Variants in CSMD1 observed in about 807,000 individuals in gnomAD.
The protein encoded by CSMD1 is CUB and Sushi multiple domains 1, also known as CUB and sushi domain-containing protein 1.
CSMD1 carries 213 observed loss-of-function variants against 417.5 expected under a neutral mutation model. The ratio of observed to expected loss-of-function variants is 0.51; its 90% confidence interval spans 0.46 to 0.57. The LOEUF (loss-of-function observed/expected upper bound fraction) is 0.57. Among genes scored for constraint, CSMD1 ranks in the 20% least tolerant of loss-of-function variants. The probability of loss-of-function intolerance (pLI) is 0.00; values close to 1 mark genes in which losing one functional copy is unlikely to be tolerated. For synonymous variants in CSMD1, 2,862 were observed against 1,736.8 expected (o/e 1.65, Z -16.11); for missense variants, 6,923 against 4,529.7 (o/e 1.53, Z -15.17).
At chr8:4,286,417 G>A (rs908510150) in intron 3 of CSMD1, among the ~76,000 whole-genome samples, 1 of 152,118 alleles carries the variant, frequency 6.6e-6, no homozygotes, top group South Asian at 2.1e-4. Context: ...ATGAGACAGA[G>A]AAAAATCATG....
intron 37 of CSMD1, among the ~76,000 whole-genome samples, chr8:3,172,109 A>T (rs1053879744): frequency 2.0e-5 from 3 of 152,202 alleles, no homozygotes; most frequent in Non-Finnish European, 2.9e-5. Context: ...TGTAAAATCA[A>T]TGACTTCCAA....
At chr8:3,424,839 T>G (rs1377800710) in intron 12 of CSMD1, among the ~76,000 whole-genome samples, 1 of 152,200 alleles carries the variant, frequency 6.6e-6, no homozygotes, top group African/African-American at 2.4e-5. Context: ...ATTCTATTTT[T>G]TTAAATATTA....
At chr8:3,101,592 T>A (rs1325191594) in intron 46 of CSMD1, among the ~76,000 whole-genome samples, 2 of 151,438 alleles carry the variant, frequency 1.3e-5, no homozygotes, top group East Asian at 2.0e-4. Flanking sequence ...CTGGCTAATT[T>A]TTTTTTGTAT....
At chr8:4,321,548 T>C (rs1222177983) in intron 3 of CSMD1, among the ~76,000 whole-genome samples, 1 of 152,106 alleles carries the variant, frequency 6.6e-6, no homozygotes, top group Non-Finnish European at 1.5e-5. Context: ...ATCTGGTATA[T>C]CACAGATATA....
chr8:4,231,424 G>A (rs745965577), intron 3 of CSMD1, among the ~76,000 whole-genome samples: 2 of 152,174 alleles, frequency 1.3e-5, no homozygotes, highest in African/African-American at 4.8e-5. Flanking sequence ...CAAAAATTAC[G>A]ATAAAAGTGA....
At chr8:4,458,518 G>C (rs1330081498) in intron 2 of CSMD1, among the ~76,000 whole-genome samples, 2 of 152,044 alleles carry the variant, frequency 1.3e-5, no homozygotes, top group Non-Finnish European at 2.9e-5. Context: ...ATTCTGTATA[G>C]TGTGAAAGAG....
intron 5 of CSMD1, among the ~76,000 whole-genome samples, chr8:3,816,320 C>T (rs574439991): frequency 6.6e-6 from 1 of 152,136 alleles, no homozygotes; most frequent in African/African-American, 2.4e-5. Context: ...GCTGTGTTTT[C>T]AGCTACCCAC....
At chr8:4,825,319 T>C (rs181035527) in intron 1 of CSMD1, among the ~76,000 whole-genome samples, 1 of 152,214 alleles carries the variant, frequency 6.6e-6, no homozygotes, top group East Asian at 1.9e-4. Flanking sequence ...CAGTGTTTTA[T>C]CCTGCACAGA....
At chr8:4,035,752 G>C (rs950157961) in intron 3 of CSMD1, among the ~76,000 whole-genome samples, 2 of 152,078 alleles carry the variant, frequency 1.3e-5, no homozygotes, top group African/African-American at 4.8e-5. Flanking sequence ...TGAAAAAGAA[G>C]TTTATGAAGT....
chr8:4,775,584 G>C (rs570431579), intron 1 of CSMD1, among the ~76,000 whole-genome samples: 1 of 152,210 alleles, frequency 6.6e-6, no homozygotes, highest in East Asian at 1.9e-4. Flanking sequence ...GAATAAAAAA[G>C]ATATTTTAAG....
intron 7 of CSMD1, among the ~76,000 whole-genome samples, chr8:3,650,331 T>A (rs923148582): frequency 3.9e-5 from 6 of 152,232 alleles, no homozygotes; most frequent in East Asian, 3.9e-4. Flanking sequence ...GAGTTTCAAG[T>A]TGAGTTAGGA....
intron 12 of CSMD1, among the ~76,000 whole-genome samples, chr8:3,446,087 T>C (rs1287452020): frequency 6.6e-6 from 1 of 152,080 alleles, no homozygotes. Flanking sequence ...ACAGTAAAGT[T>C]GAAATGGACT....
chr8:3,274,142 G>A (rs1585885160), intron 26 of CSMD1, among the ~76,000 whole-genome samples: 1 of 151,620 alleles, frequency 6.6e-6, no homozygotes, highest in Non-Finnish European at 1.5e-5. Context: ...TGTTCTCGTT[G>A]GTTTCAAAGA....
intron 3 of CSMD1, among the ~76,000 whole-genome samples, chr8:4,120,293 A>G (rs901472904): frequency 6.6e-6 from 1 of 151,610 alleles, no homozygotes; most frequent in Non-Finnish European, 1.5e-5. Context: ...CTTTTATTAT[A>G]TATACTTCAG....
intron 5 of CSMD1, among the ~76,000 whole-genome samples, chr8:3,983,276 G>A (rs1027519851): frequency 2.6e-5 from 4 of 151,900 alleles, no homozygotes; most frequent in South Asian, 2.1e-4. Flanking sequence ...GACTACAGGC[G>A]CCCACCACCA....
chr8:4,745,489 CT>C (rs1810893732), intron 1 of CSMD1, among the ~76,000 whole-genome samples: 1 of 152,124 alleles, frequency 6.6e-6, no homozygotes, highest in Admixed American at 6.5e-5. Context: ...ATCATATATT[CT>C]TTCTTAGAGT....
intron 4 of CSMD1, among the ~76,000 whole-genome samples, chr8:4,002,250 T>C (rs1280232902): frequency 6.6e-6 from 1 of 152,018 alleles, no homozygotes; most frequent in African/African-American, 2.4e-5. Flanking sequence ...TGTGTTTGTG[T>C]GTATGTGTGT....
chr8:3,308,292 A>G lies in CSMD1; in HGVS notation c.3823+20T>C, dbSNP rs1393843. ...TAAGGCCTGGCTTTTGCACAATGGT[A>G]TGACTGCTTCCACACTCACCTATGC... On this transcript the variant is annotated intron_variant, in intron 24 of 69. Transcript: ENST00000635120. 7.0e-5 allele frequency: 111 copies of G among 1,585,636 alleles called. No individual in the cohort carries two copies. Among genetic ancestry groups the G allele is most frequent in the Non-Finnish European group, 8.8e-5 (102 of 1,158,520 alleles).
chr8:3,739,918 A>C (rs1375489576), intron 6 of CSMD1, among the ~76,000 whole-genome samples: 4 of 152,172 alleles, frequency 2.6e-5, no homozygotes, highest in Non-Finnish European at 1.5e-5. Context: ...AGCAATGAGG[A>C]TATTTTCTCT....
Sources: allele counts gnomAD v4.1 joint callset (sites outside exome capture counted in the v4.1 genomes callset), GRCh38; gene constraint gnomAD v4.1.1; transcripts MANE v1.5; gene names NCBI Gene and HGNC (gene_info 2026-07-23, HGNC 2026-07-21).